RNF217: variants seen among roughly 807,000 people sequenced by gnomAD.
RNF217 encodes ring finger protein 217, also known as E3 ubiquitin-protein ligase RNF217.
A neutral mutation model predicts 57.8 loss-of-function variants in RNF217; 31 were observed. That is an observed-to-expected ratio of 0.54 (90% CI 0.40 to 0.72). RNF217 has a LOEUF of 0.72. Ranked by LOEUF, RNF217 falls within the 30% of genes least tolerant of loss-of-function variation. The pLI, the probability that RNF217 is intolerant of heterozygous loss-of-function variation, is 0.00. For missense variants in RNF217, 696 were observed against 708.3 expected (o/e 0.98, Z 0.20); for synonymous variants, 313 against 294.0 (o/e 1.06, Z -0.66).
intron 1 of RNF217, among the ~76,000 whole-genome samples, chr6:124,988,091 G>C (rs1784422931): frequency 1.3e-5 from 2 of 152,162 alleles, no homozygotes; most frequent in South Asian, 4.1e-4. Context: ...GAAGGCATCA[G>C]ATTCTCATGG....
At chr6:125,071,129 C>T (rs540840) in intron 3 of RNF217, among the ~76,000 whole-genome samples, 1 of 152,054 alleles carries the variant, frequency 6.6e-6, no homozygotes, top group Non-Finnish European at 1.5e-5. Context: ...TTGAGGAGGA[C>T]AGGTACTATT....
At chr6:124,993,990 CAA>C (rs1562457886) in intron 1 of RNF217, among the ~76,000 whole-genome samples, 1 of 151,848 alleles carries the variant, frequency 6.6e-6, no homozygotes, top group East Asian at 1.9e-4. Flanking sequence ...GTCATTGAAA[CAA>C]CATTTTGCAT....
chr6:125,044,486 T>G (rs9401800), intron 1 of RNF217, among the ~76,000 whole-genome samples: 48,151 of 152,002 alleles, frequency 0.32, 8,045 homozygotes, highest in East Asian at 0.41. Flanking sequence ...TTTTGATGTA[T>G]CCTCCCTTCT....
intron 3 of RNF217, among the ~76,000 whole-genome samples, chr6:125,064,801 T>G (rs1022034835): frequency 1.3e-5 from 2 of 152,166 alleles, no homozygotes; most frequent in African/African-American, 4.8e-5. Flanking sequence ...TATACTTGTA[T>G]GTATATACAC....
intron 1 of RNF217, among the ~76,000 whole-genome samples, chr6:124,969,450 A>G (rs980265186): frequency 1.3e-5 from 2 of 152,168 alleles, no homozygotes; most frequent in African/African-American, 2.4e-5. Flanking sequence ...TAAAAATTCA[A>G]TGTGTATGGG....
chr6:125,025,273 G>C (rs1431130162), intron 1 of RNF217, among the ~76,000 whole-genome samples: 1 of 152,144 alleles, frequency 6.6e-6, no homozygotes, highest in Non-Finnish European at 1.5e-5. Context: ...TAATGTGGAC[G>C]TGAACACAAG....
Position 125,030,784 on chromosome 6 carries a change from T to A in RNF217, c.883-14427T>A, listed in dbSNP as rs189046841. 2.6e-3 allele frequency among the ~76,000 whole-genome samples: 401 copies of A among 152,154 alleles called. 2 individuals carry two copies. The highest frequency in any genetic ancestry group is 9.0e-3 in the African/African-American group (375 of 41,502). The stretch of plus-strand genomic sequence containing the variant: ...GCACACGGTGCAAGCTGTCGGTGGA[T>A]GTACCATTCTGGGGTCTGGAGGACA... On this transcript the variant is annotated intron_variant, in intron 1 of 5. Transcript: ENST00000521654.
chr6:125,000,512 T>C (rs1016875854), intron 1 of RNF217, among the ~76,000 whole-genome samples: 1 of 151,958 alleles, frequency 6.6e-6, no homozygotes, highest in South Asian at 2.1e-4. Context: ...AAGAAAAAAT[T>C]ATTATTTTTT....
intron 1 of RNF217, among the ~76,000 whole-genome samples, chr6:125,031,083 C>A (rs1786335826): frequency 6.6e-6 from 1 of 152,250 alleles, no homozygotes; most frequent in Admixed American, 6.5e-5. Context: ...CCCTCTGAAG[C>A]CACAGCCCGA....
Position 124,962,667 on chromosome 6 carries a change from C to G in RNF217, c.123C>G (p.Pro41=), listed in dbSNP as rs1455682548. The G allele has an allele frequency of 7.5e-6, 10 of 1,340,388 alleles. No individual in the cohort carries two copies. The highest frequency in any genetic ancestry group is 2.8e-6 in the Non-Finnish European group (3 of 1,057,208). The allele number at this position is 1,340,388 out of a possible 1,614,324, so 83.0% of individuals were successfully genotyped here. The change falls in exon 1 of 6, where the codon CCC becomes CCG. Residue 41 remains proline (P), a synonymous_variant. Transcript: ENST00000521654. This position sits in a 1 kb window ranked among gnomAD's most constrained non-coding sequence, Gnocchi z 4.6. The part of the protein sequence containing the change: ...PRPQGDSARA[P]PLRAASAEPS... ...CTCAGGGGGACAGCGCCCGGGCGCC[C>G]CCGCTGCGCGCCGCCTCCGCGGAGC...
chr6:125,082,992 G>GT lies in RNF217; in HGVS notation c.*56dup. The stretch of plus-strand genomic sequence containing the variant: ...GTTGGAGTAGGAGCGATACCAAAGG[G>GT]TACACCCATCTGTGAGTCACATCTT... On this transcript the variant is annotated 3_prime_UTR_variant, in exon 6 of 6. Transcript: ENST00000521654. 8.3e-7 allele frequency: 1 copy of GT among 1,210,944 alleles called. No individual in the cohort carries two copies. The highest frequency in any genetic ancestry group is 1.2e-6 in the Non-Finnish European group (1 of 860,656). 75.0% of individuals were successfully genotyped at this position (1,210,944 alleles called of 1,614,324 possible). A position where few individuals can be genotyped will look rare whatever the true frequency, so the allele number is the denominator to read the frequency against.
intron 1 of RNF217, among the ~76,000 whole-genome samples, chr6:125,016,757 G>A (rs1326768133): frequency 6.6e-6 from 1 of 151,746 alleles, no homozygotes; most frequent in Non-Finnish European, 1.5e-5. Flanking sequence ...ACACAGGGAG[G>A]GGAACATCAC....
rs1433525553 is a variant in RNF217 at position 125,084,646 on chromosome 6, A to C, written c.*1709A>C. 1.3e-5 allele frequency: 2 copies of C among 152,016 alleles called. No homozygotes were observed. Among genetic ancestry groups the C allele is most frequent in the African/African-American group, 2.4e-5 (1 of 41,436 alleles). The allele number at this position is 152,016 out of a possible 1,614,324, so 9.4% of individuals were successfully genotyped here. On this transcript the variant is annotated 3_prime_UTR_variant, in exon 6 of 6. Coordinates refer to ENST00000521654, the MANE Select transcript of RNF217 (RefSeq NM_001286398.3). The stretch of plus-strand genomic sequence containing the variant: ...TGACTTGCGTGAATAACAATCCAGC[A>C]TGCTTTCATTCTTTCTGAATAACAC...
chr6:124,969,587 A>T (rs1033301445), intron 1 of RNF217, among the ~76,000 whole-genome samples: 4 of 152,224 alleles, frequency 2.6e-5, no homozygotes, highest in African/African-American at 9.6e-5. Context: ...TTTATTGGAC[A>T]TCTATCTTGT....
At chr6:124,993,343 T>C (rs559556541) in intron 1 of RNF217, among the ~76,000 whole-genome samples, 4 of 152,302 alleles carry the variant, frequency 2.6e-5, no homozygotes, top group African/African-American at 9.6e-5. Context: ...AACTGGCAGA[T>C]AGTAATTACA....
chr6:125,065,724 A>G (rs1411687455), intron 3 of RNF217, among the ~76,000 whole-genome samples: 1 of 152,152 alleles, frequency 6.6e-6, no homozygotes, highest in Non-Finnish European at 1.5e-5. Flanking sequence ...GTAATTCATT[A>G]GTTTCCATTT....
chr6:124,977,868 AC>A (rs1382275895), intron 1 of RNF217, among the ~76,000 whole-genome samples: 1 of 152,204 alleles, frequency 6.6e-6, no homozygotes, highest in African/African-American at 2.4e-5. Context: ...CAGAGATTTT[AC>A]ATAGAGAAAT....
intron 3 of RNF217, among the ~76,000 whole-genome samples, chr6:125,065,755 A>G (rs1787910585): frequency 6.6e-6 from 1 of 152,174 alleles, no homozygotes; most frequent in African/African-American, 2.4e-5. Flanking sequence ...TCAGGTTTTA[A>G]GAGTTGCTTT....
chr6:125,041,654 C>A (rs559521552), intron 1 of RNF217, among the ~76,000 whole-genome samples: 40 of 152,142 alleles, frequency 2.6e-4, no homozygotes, highest in African/African-American at 8.7e-4. Flanking sequence ...GCATAACAGG[C>A]CTTTCAGTTC....
Sources: gnomAD v4.1 joint callset for allele counts (sites outside exome capture counted in the v4.1 genomes callset) on GRCh38, gnomAD v4.1.1 for gene constraint, Gnocchi (gnomAD v3.1) non-coding constraint, MANE v1.5 for transcripts, NCBI Gene and HGNC (gene_info 2026-07-23, HGNC 2026-07-21) for gene names.